Variants in RBMS3 observed in about 807,000 individuals in gnomAD.
The protein encoded by RBMS3 is RNA-binding motif, single-stranded-interacting protein 3.
In RBMS3, 27 loss-of-function variants were observed where a neutral mutation model predicts 66.8. The observed-to-expected ratio is 0.40, with a 90% confidence interval of 0.30 to 0.56. RBMS3 has a LOEUF of 0.56. Among genes scored for constraint, RBMS3 ranks in the 20% least tolerant of loss-of-function variants. The pLI is 0.40. For missense variants in RBMS3, 513 were observed against 549.5 expected (o/e 0.93, Z 0.66); for synonymous variants, 188 against 183.0 (o/e 1.03, Z -0.22).
intron 1 of RBMS3, among the ~76,000 whole-genome samples, chr3:29,385,595 G>T (rs537542222): frequency 4.6e-5 from 7 of 151,958 alleles, no homozygotes; most frequent in Admixed American, 1.3e-4. Context: ...TATGAGTCTC[G>T]TGGGTCTTTG....
chr3:29,739,725 A>G lies in RBMS3; in HGVS notation c.405A>G (p.Gln135=), dbSNP rs2149349274. The G allele has an allele frequency of 1.3e-6, 2 of 1,588,770 alleles. No individual in the cohort carries two copies. The highest frequency in any genetic ancestry group is 2.3e-5 in the South Asian group (2 of 86,184). ...NGVQAQMAKQ[Q]EQDPTNLYIS... Reference sequence around the variant, plus strand: ...TGTTACTTTCCTTCCCTTAGCAACAAGAGCAAGACCCAACAAACCTATACA... The same window carrying G: ...TGTTACTTTCCTTCCCTTAGCAACAGGAGCAAGACCCAACAAACCTATACA... Residue 135 remains glutamine, a synonymous_variant, in exon 5 of 15, where the codon CAA becomes CAG. Transcript: ENST00000383767.
At chr3:29,714,021 C>T (rs2053284033) in intron 4 of RBMS3, among the ~76,000 whole-genome samples, 1 of 152,032 alleles carries the variant, frequency 6.6e-6, no homozygotes, top group Non-Finnish European at 1.5e-5. Flanking sequence ...TACCACTGTA[C>T]TCCAGCCTGG....
chr3:29,795,626 G>T (rs1248317985), intron 6 of RBMS3, among the ~76,000 whole-genome samples: 1 of 152,154 alleles, frequency 6.6e-6, no homozygotes, highest in Non-Finnish European at 1.5e-5. Context: ...AATGGTAGTA[G>T]AATTAGATTC....
chr3:29,975,698 C>G (rs1697538372), intron 12 of RBMS3, among the ~76,000 whole-genome samples: 2 of 151,736 alleles, frequency 1.3e-5, no homozygotes, highest in Admixed American at 6.6e-5. Flanking sequence ...TTTTTCTATT[C>G]TTGCAATATG....
Position 29,857,728 on chromosome 3 carries a change from T to C in RBMS3, c.638-11130T>C, listed in dbSNP as rs555141569. ...TCTGCAGGACCAGTGAGGTAGACAC[T>C]AGGCAATGGTGAATAGGGCCCAGCT... On this transcript the variant is annotated intron_variant, in intron 6 of 14. Coordinates refer to ENST00000383767, the MANE Select transcript of RBMS3 (RefSeq NM_001003793.3). Among the ~76,000 whole-genome samples, 20 of 152,182 alleles carry C rather than the reference T, an allele frequency of 1.3e-4. No individual in the cohort carries two copies. In the South Asian group the frequency reaches 4.2e-3, roughly 32 times the overall value.
intron 6 of RBMS3, among the ~76,000 whole-genome samples, chr3:29,829,927 A>T (rs1193244371): frequency 6.6e-6 from 1 of 152,090 alleles, no homozygotes; most frequent in Non-Finnish European, 1.5e-5. Flanking sequence ...CAGAATTATT[A>T]TGTCGCTTCC....
At chr3:29,382,531 T>C (rs907759955) in intron 1 of RBMS3, among the ~76,000 whole-genome samples, 1 of 152,060 alleles carries the variant, frequency 6.6e-6, no homozygotes, top group African/African-American at 2.4e-5. Flanking sequence ...AGAGGAAGGG[T>C]TCCATGAAAA....
intron 6 of RBMS3, chr3:29,765,706 T>A (rs957349707): frequency 6.6e-6 from 1 of 152,086 alleles, no homozygotes; most frequent in South Asian, 2.1e-4. Context: ...AGATTGAATA[T>A]GATGTCAATC....
intron 4 of RBMS3, among the ~76,000 whole-genome samples, chr3:29,597,506 TC>T (rs1382099299): frequency 1.3e-5 from 2 of 152,138 alleles, no homozygotes; most frequent in Non-Finnish European, 2.9e-5. Flanking sequence ...AGTTTAATCC[TC>T]TTTTCCCACC....
chr3:29,742,106 T>C (rs1040974308), intron 5 of RBMS3, among the ~76,000 whole-genome samples: 1 of 152,214 alleles, frequency 6.6e-6, no homozygotes, highest in Admixed American at 6.5e-5. Context: ...CAATGAGAGT[T>C]TGCTTAAAAT....
At chr3:29,437,714 A>T (rs953903688) in intron 2 of RBMS3, among the ~76,000 whole-genome samples, 2 of 152,242 alleles carry the variant, frequency 1.3e-5, no homozygotes, top group African/African-American at 4.8e-5. Flanking sequence ...TGGCTATGCT[A>T]TCAACTGAGT....
chr3:29,450,353 G>A (rs752691289), intron 2 of RBMS3, among the ~76,000 whole-genome samples: 13 of 152,254 alleles, frequency 8.5e-5, no homozygotes, highest in Non-Finnish European at 1.6e-4. Context: ...CTAAGTTTCA[G>A]TTGCCCCAAT....
At chr3:29,849,883 TGGA>T (rs539073744) in intron 6 of RBMS3, among the ~76,000 whole-genome samples, 30 of 152,230 alleles carry the variant, frequency 2.0e-4, no homozygotes, top group Non-Finnish European at 3.1e-4. Flanking sequence ...GCTCAGACAC[TGGA>T]GGAGTAATCA....
intron 3 of RBMS3, among the ~76,000 whole-genome samples, chr3:29,521,753 G>A (rs1049597932): frequency 2.6e-5 from 4 of 152,140 alleles, no homozygotes; most frequent in African/African-American, 9.7e-5. Context: ...TTTTTCAGTA[G>A]AGGAAACTGA....
At position 29,384,435 on chromosome 3, in the gene RBMS3, T is replaced by TAATAAGAAGAAGAAGAAGAAG. The variant is rs776357215; in HGVS notation, c.76-50306_76-50305insTAAGAAGAAGAAGAAGAAGAA. Among the ~76,000 whole-genome samples, 718 of 141,070 alleles carry TAATAAGAAGAAGAAGAAGAAG rather than the reference T, an allele frequency of 5.1e-3. 5 individuals are homozygous for TAATAAGAAGAAGAAGAAGAAG. The highest frequency in any genetic ancestry group is 0.012 in the South Asian group (48 of 4,140). 92.5% of individuals were successfully genotyped at this position (141,070 alleles called of 152,430 possible). A position where few individuals can be genotyped will look rare whatever the true frequency, so the allele number is the denominator to read the frequency against. On this transcript the variant is annotated intron_variant, in intron 1 of 14. Coordinates refer to ENST00000383767, the MANE Select transcript of RBMS3 (RefSeq NM_001003793.3). Reference sequence around the variant, plus strand: ...TATACACCAATAATAATAATAATAATAAGAAGAAGAAGAAGAAGAAGAAGA... The same window carrying TAATAAGAAGAAGAAGAAGAAG: ...TATACACCAATAATAATAATAATAATAATAAGAAGAAGAAGAAGAAGAAGAAGAAGAAGAAGAAGAAGAAGA...
chr3:29,884,714 G>C (rs1018269295), intron 8 of RBMS3, among the ~76,000 whole-genome samples: 3 of 151,830 alleles, frequency 2.0e-5, no homozygotes, highest in African/African-American at 7.3e-5. Context: ...CTTAGAACAA[G>C]TCATATAGCT....
At chr3:29,642,150 G>T (rs1451776009) in intron 4 of RBMS3, among the ~76,000 whole-genome samples, 2 of 152,072 alleles carry the variant, frequency 1.3e-5, no homozygotes, top group African/African-American at 4.8e-5. Flanking sequence ...ATAACCCGTA[G>T]ATCTGCCAAT....
At chr3:29,351,825 C>T (rs1426603911) in intron 1 of RBMS3, among the ~76,000 whole-genome samples, 1 of 151,786 alleles carries the variant, frequency 6.6e-6, no homozygotes, top group Non-Finnish European at 1.5e-5. Context: ...ACCATTCTTT[C>T]TTCTAGATTT....
intron 2 of RBMS3, among the ~76,000 whole-genome samples, chr3:29,468,599 GTC>G (rs1270260357): frequency 6.6e-6 from 1 of 151,898 alleles, no homozygotes; most frequent in African/African-American, 2.4e-5. Context: ...TTCTAATTTT[GTC>G]TCTGTATTAA....
Sources: allele counts gnomAD v4.1 joint callset (sites outside exome capture counted in the v4.1 genomes callset), GRCh38; gene constraint gnomAD v4.1.1; transcripts MANE v1.5; gene names NCBI Gene and HGNC (gene_info 2026-07-23, HGNC 2026-07-21).